Variants in TECTB observed in about 807,000 individuals in gnomAD.
TECTB encodes tectorin beta.
TECTB carries 45 observed loss-of-function variants against 43.3 expected under a neutral mutation model. The observed-to-expected ratio is 1.04, with a 90% CI of 0.82 to 1.33. The LOEUF (loss-of-function observed/expected upper bound fraction) is 1.33. Ranked by LOEUF, TECTB falls within the 40% of genes most tolerant of loss-of-function variation. The pLI is 0.00. For missense variants in TECTB, 399 were observed against 404.7 expected (o/e 0.99, Z 0.12); for synonymous variants, 169 against 156.7 (o/e 1.08, Z -0.59).
intron 7 of TECTB, among the ~76,000 whole-genome samples, chr10:112,295,266 T>C (rs2133353766): frequency 6.6e-6 from 1 of 152,346 alleles, no homozygotes; most frequent in Admixed American, 6.5e-5. Flanking sequence ...TGGAGCTATT[T>C]TGGACCTCTA....
intron 9 of TECTB, among the ~76,000 whole-genome samples, 170 bp from the exon 10 acceptor site, chr10:112,301,931 G>A (rs576899089): frequency 6.6e-6 from 1 of 152,058 alleles, no homozygotes; most frequent in East Asian, 1.9e-4. Context: ...AGCTGGTTTC[G>A]AGCTCCCAAC....
intron 5 of TECTB, among the ~76,000 whole-genome samples, chr10:112,291,450 A>G (rs1848498611): frequency 6.6e-6 from 1 of 152,262 alleles, no homozygotes; most frequent in Non-Finnish European, 1.5e-5. Context: ...GCATATGTTC[A>G]TTGCAACACT....
intron 5 of TECTB, among the ~76,000 whole-genome samples, chr10:112,288,673 T>A (rs561514528): frequency 6.6e-6 from 1 of 152,156 alleles, no homozygotes; most frequent in African/African-American, 2.4e-5. Flanking sequence ...TATATTTCCA[T>A]CAAATTACCA....
At chr10:112,286,537 C>A in intron 5 of TECTB, 146 bp downstream of exon 5, 2 of 827,880 alleles carry the variant, frequency 2.4e-6, no homozygotes, top group Non-Finnish European at 3.7e-6. Flanking sequence ...TTTGGTTTAG[C>A]TTTAAACCTC....
At chr10:112,285,964 C>T in intron 3 of TECTB, 107 bp from the exon 4 acceptor site, 2 of 1,418,582 alleles carry the variant, frequency 1.4e-6, no homozygotes, top group South Asian at 1.3e-5. Context: ...ACATTTCTGT[C>T]TCCCCACTGG....
At chr10:112,295,944 G>GT (rs2133354211) in intron 7 of TECTB, among the ~76,000 whole-genome samples, 1 of 152,308 alleles carries the variant, frequency 6.6e-6, no homozygotes, top group South Asian at 2.1e-4. Context: ...CAGGTGTACT[G>GT]TAAACCTACC....
chr10:112,290,451 A>G (rs547527545), intron 5 of TECTB, among the ~76,000 whole-genome samples: 1 of 152,344 alleles, frequency 6.6e-6, no homozygotes, highest in East Asian at 1.9e-4. Context: ...GAACTCAATC[A>G]TTAGTGTTCT....
intron 7 of TECTB, among the ~76,000 whole-genome samples, chr10:112,297,692 C>A (rs548412521): frequency 6.6e-6 from 1 of 152,114 alleles, no homozygotes; most frequent in East Asian, 1.9e-4. Context: ...GCAGCAGGGG[C>A]AATGCTGCAC....
intron 5 of TECTB, among the ~76,000 whole-genome samples, chr10:112,286,948 A>AT (rs1848459980): frequency 6.6e-6 from 1 of 152,132 alleles, no homozygotes; most frequent in Non-Finnish European, 1.5e-5. Flanking sequence ...AAACAAAAAA[A>AT]CCAATCTTCC....
chr10:112,300,328 A>AG (rs1564710682), intron 9 of TECTB, among the ~76,000 whole-genome samples: 28 of 142,240 alleles, frequency 2.0e-4, no homozygotes, highest in East Asian at 4.4e-4. Context: ...AGAGAAAGAA[A>AG]AAAGAAAAGA....
At chr10:112,293,708 A>T (rs1430813711) in intron 5 of TECTB, 30 bp from the exon 6 acceptor site, 2 of 1,599,350 alleles carry the variant, frequency 1.3e-6, no homozygotes, top group African/African-American at 2.7e-5. Context: ...CTGAGAGTTC[A>T]TAATGCCCAG....
At chr10:112,302,528 C>T in intron 10 of TECTB, 1 of 406,450 alleles carries the variant, frequency 2.5e-6, no homozygotes, top group Non-Finnish European at 4.3e-6. Context: ...GCAATGACCT[C>T]ACCCCTCCTC....
chr10:112,284,697 A>T lies in TECTB; in HGVS notation c.239A>T (p.Asn80Ile). ...QFVIPDLSPK[N>I]KSYCGTQSEY... ...GTGATCCCAGATTTATCACCTAAAA[A>T]CAAGTCCTATTGTGGAACCCAGTCT... Residue 80 changes from asparagine (N) to isoleucine (I), a missense_variant, in exon 3 of 11, where the codon AAC (asparagine) becomes ATC (isoleucine). Physicochemically the swap from Asn to Ile is moderately radical, Grantham distance 149 (BLOSUM62 -3). Coordinates refer to ENST00000646139, the MANE Select transcript of TECTB (RefSeq NM_058222.3). The T allele has an allele frequency of 6.2e-7, 1 of 1,608,498 alleles. No individual in the cohort carries two copies. The highest frequency in any genetic ancestry group is 8.5e-7 in the Non-Finnish European group (1 of 1,177,150).
intron 5 of TECTB, among the ~76,000 whole-genome samples, chr10:112,290,253 TA>T: frequency 6.6e-6 from 1 of 152,238 alleles, no homozygotes; most frequent in East Asian, 1.9e-4. Flanking sequence ...CGGATCAAAA[TA>T]AAAGTAATAT....
At chr10:112,303,119 G>A in intron 10 of TECTB, 144 bp from the exon 11 acceptor site, 1 of 914,486 alleles carries the variant, frequency 1.1e-6, no homozygotes, top group Non-Finnish European at 1.8e-6. Context: ...GTGAGCTACA[G>A]AATCCCCAAG....
chr10:112,300,133 G>A (rs192953531), intron 9 of TECTB, among the ~76,000 whole-genome samples: 311 of 146,374 alleles, frequency 2.1e-3, no homozygotes, highest in Non-Finnish European at 3.4e-3. Context: ...TTGTACTCCA[G>A]CCTGGGCAAC....
chr10:112,299,904 T>G lies in TECTB; in HGVS notation c.907+340T>G, dbSNP rs538227292. ...GGGGCCGGGCTCGGTGGCTCACGCC[T>G]GTAATCCCAGCACTTTGGGAGGCCG... On this transcript the variant is annotated intron_variant, in intron 9 of 10. Coordinates refer to ENST00000646139, the MANE Select transcript of TECTB (RefSeq NM_058222.3). Among the ~76,000 whole-genome samples the G allele has an allele frequency of 5.3e-5, 8 of 152,088 alleles. No homozygotes were observed. In the East Asian group the frequency reaches 1.6e-3, roughly 30 times the overall value.
chr10:112,287,077 T>C (rs1229120524), intron 5 of TECTB, among the ~76,000 whole-genome samples: 2 of 152,176 alleles, frequency 1.3e-5, no homozygotes, highest in Non-Finnish European at 2.9e-5. Flanking sequence ...TACAACCCCC[T>C]CCAGAGATTT....
At chr10:112,298,989 G>T (rs1848573030) in intron 8 of TECTB, among the ~76,000 whole-genome samples, 1 of 152,188 alleles carries the variant, frequency 6.6e-6, no homozygotes, top group Non-Finnish European at 1.5e-5. Context: ...CCAGAAAATG[G>T]TTCTTTATGA....
Sources: allele counts gnomAD v4.1 joint callset (sites outside exome capture counted in the v4.1 genomes callset), GRCh38; gene constraint gnomAD v4.1.1; transcripts MANE v1.5; gene names NCBI Gene and HGNC (gene_info 2026-07-23, HGNC 2026-07-21).